PIWIL3: variants seen among roughly 807,000 people sequenced by gnomAD.
PIWIL3 encodes piwi-like protein 3.
In PIWIL3, 101 loss-of-function variants were observed where a neutral mutation model predicts 109.7. The ratio of observed to expected loss-of-function variants is 0.92; its 90% CI spans 0.78 to 1.09. The LOEUF (loss-of-function observed/expected upper bound fraction) is 1.09, where lower values mean the gene tolerates loss of function less well. Among genes scored for constraint, PIWIL3 ranks in the 50% least tolerant of loss-of-function variants. The pLI is 0.00. For synonymous variants in PIWIL3, 373 were observed against 376.4 expected (o/e 0.99, Z 0.10); for missense variants, 1,031 against 1,072.6 (o/e 0.96, Z 0.54).
At position 24,719,430 on chromosome 22, in the gene PIWIL3, C is replaced by T. The variant is rs1922528034; in HGVS notation, c.*42G>A. The T allele has an allele frequency of 2.9e-6, 4 of 1,394,134 alleles. No individual in the cohort carries two copies. In the East Asian group the frequency reaches 9.2e-5, roughly 32 times the overall value. 86.4% of individuals were successfully genotyped at this position (1,394,134 alleles called of 1,614,324 possible). The stretch of plus-strand genomic sequence containing the variant: ...CTGCTTCAAAAGGAAGACAGGCTTA[C>T]ACGTTGTGGTTTCATTAGCACATCA... On this transcript the variant is annotated 3_prime_UTR_variant, in exon 21 of 21. Transcript: ENST00000616349.
chr22:24,748,873 C>G, intron 12 of PIWIL3, 34 bp downstream of exon 12: 1 of 1,527,150 alleles, frequency 6.5e-7, no homozygotes, highest in South Asian at 1.2e-5. Context: ...TCATTTGACC[C>G]CACCATGACA....
At chr22:24,743,938 A>G (rs1472003084) in intron 12 of PIWIL3, among the ~76,000 whole-genome samples, 2 of 152,116 alleles carry the variant, frequency 1.3e-5, no homozygotes, top group African/African-American at 4.8e-5. Flanking sequence ...AGAAGGGGTT[A>G]TAAGACAGTA....
At chr22:24,728,527 G>C (rs1048983471) in intron 14 of PIWIL3, 153 bp from the exon 15 acceptor site, 2 of 660,540 alleles carry the variant, frequency 3.0e-6, no homozygotes, top group South Asian at 2.8e-5. Context: ...GAAGGGTCTA[G>C]AGCCATGTTA....
At chr22:24,751,123 C>CA (rs879487933) in intron 9 of PIWIL3, among the ~76,000 whole-genome samples, 305 of 130,406 alleles carry the variant, frequency 2.3e-3, no homozygotes, top group Non-Finnish European at 2.8e-3. Flanking sequence ...GACTCCAACT[C>CA]AAAAAAAAAA....
intron 14 of PIWIL3, among the ~76,000 whole-genome samples, chr22:24,729,832 G>A (rs548045604): frequency 6.6e-6 from 1 of 151,948 alleles, no homozygotes; most frequent in East Asian, 1.9e-4. Context: ...TTTTCTGAAG[G>A]TGACTTATTT....
intron 8 of PIWIL3, among the ~76,000 whole-genome samples, chr22:24,752,723 G>A (rs1054798140): frequency 2.0e-5 from 3 of 152,018 alleles, no homozygotes; most frequent in African/African-American, 4.8e-5. Context: ...AATGCATATC[G>A]TTAGCATTTT....
At position 24,756,612 on chromosome 22, in the gene PIWIL3, T is replaced by C. The variant is rs1925046252; in HGVS notation, c.449A>G (p.Lys150Arg). 1 of 1,613,966 alleles carries C rather than the reference T, an allele frequency of 6.2e-7. No homozygotes were observed. Among genetic ancestry groups the C allele is most frequent in the Non-Finnish European group, 8.5e-7 (1 of 1,179,946 alleles). ...WVAYKYNVDYKPDIEDGNLRT... is the reference protein window; with the variant it reads ...WVAYKYNVDYRPDIEDGNLRT... ...GAGATTTCCATCTTCTATGTCTGGT[T>C]TGTAGTCAACGTTGTATTTATATGC... The change falls in exon 5 of 21, where the codon AAA (lysine) becomes AGA (arginine). Residue 150 changes from lysine (K) to arginine (R), a missense_variant. By Grantham distance (26) the Lys-to-Arg change is conservative (BLOSUM62 2). Coordinates refer to ENST00000616349, the MANE Select transcript of PIWIL3 (RefSeq NM_001255975.1).
At chr22:24,766,137 A>C (rs1925773921) in intron 1 of PIWIL3, among the ~76,000 whole-genome samples, 1 of 151,300 alleles carries the variant, frequency 6.6e-6, no homozygotes, top group African/African-American at 2.4e-5. Flanking sequence ...AGGTGCTGCC[A>C]CTACTCCTGG....
intron 12 of PIWIL3, among the ~76,000 whole-genome samples, chr22:24,742,385 G>A (rs1311252057): frequency 1.3e-5 from 2 of 150,308 alleles, no homozygotes; most frequent in African/African-American, 2.5e-5. Flanking sequence ...CATAGAACTA[G>A]AAAAAAAAAT....
intron 1 of PIWIL3, among the ~76,000 whole-genome samples, chr22:24,767,382 T>A (rs531150258): frequency 0.016 from 2,307 of 147,900 alleles, 34 homozygotes; most frequent in African/African-American, 0.05. Context: ...CTAAAAAAAA[T>A]AAATAAATAA....
At chr22:24,744,927 A>T (rs1413221344) in intron 12 of PIWIL3, among the ~76,000 whole-genome samples, 1 of 152,224 alleles carries the variant, frequency 6.6e-6, no homozygotes, top group Non-Finnish European at 1.5e-5. Context: ...TAGCTGCACG[A>T]TGAACATTCT....
rs1440527258 is a variant in PIWIL3 at position 24,719,498 on chromosome 22, A to G, written c.2596T>C (p.Leu866=). The change falls in exon 21 of 21, where the codon TTG becomes CTG. Residue 866 remains leucine, a synonymous_variant. Coordinates refer to ENST00000616349, the MANE Select transcript of PIWIL3 (RefSeq NM_001255975.1). Reference sequence around the variant, plus strand: ...CAAAGGTAAAAGAGACGAGTTGACAAGGAACGATTCGGTTCCTGGTGAATG... The same window carrying G: ...CAAAGGTAAAAGAGACGAGTTGACAGGGAACGATTCGGTTCCTGGTGAATG... ...QSIHQEPNRS[L]STRLFYL The G allele has an allele frequency of 6.3e-7, 1 of 1,596,370 alleles. No homozygotes were observed. Among genetic ancestry groups the G allele is most frequent in the South Asian group, 1.1e-5 (1 of 87,400 alleles).
chr22:24,723,470 G>T (rs1474418108), intron 18 of PIWIL3, among the ~76,000 whole-genome samples: 1 of 152,108 alleles, frequency 6.6e-6, no homozygotes, highest in Non-Finnish European at 1.5e-5. Context: ...CCAGGGGAAG[G>T]GTCCCTTCCT....
intron 16 of PIWIL3, 35 bp from the exon 17 acceptor site, chr22:24,725,550 G>T (rs1395519463): frequency 6.2e-7 from 1 of 1,606,828 alleles, no homozygotes; most frequent in Non-Finnish European, 8.5e-7. Flanking sequence ...TGGAAAACAA[G>T]ATTCTTAAAA....
At chr22:24,768,447 T>A (rs7292391) in intron 1 of PIWIL3, among the ~76,000 whole-genome samples, 7,120 of 152,196 alleles carry the variant, frequency 0.047, 261 homozygotes, top group South Asian at 0.12. Context: ...AGGGACAGGG[T>A]TTCACCATCT....
At position 24,758,617 on chromosome 22, in the gene PIWIL3, C is replaced by T. The variant is rs1156370641; in HGVS notation, c.224-578G>A. ...AATACGCACACGTTATTGTAAATCC[C>T]GTACACCTAAATGGCCAAGACGTCT... On this transcript the variant is annotated intron_variant, in intron 3 of 20. Transcript: ENST00000616349. 1.3e-5 allele frequency among the ~76,000 whole-genome samples: 2 copies of T among 152,168 alleles called. 1 individual carries two copies. Among genetic ancestry groups the T allele is most frequent in the Non-Finnish European group, 2.9e-5 (2 of 68,040 alleles).
intron 18 of PIWIL3, 102 bp from the exon 19 acceptor site, chr22:24,723,357 G>A (rs1334909618): frequency 8.1e-7 from 1 of 1,236,134 alleles, no homozygotes; most frequent in East Asian, 2.5e-5. Flanking sequence ...CCATTAAGAA[G>A]AACAGACAGC....
At chr22:24,734,216 A>G (rs2147664727) in intron 13 of PIWIL3, 60 bp from the exon 14 acceptor site, 1 of 1,576,240 alleles carries the variant, frequency 6.3e-7, no homozygotes, top group Non-Finnish European at 8.6e-7. Context: ...CAAACGTTTC[A>G]CCCAGCAAAT....
intron 12 of PIWIL3, among the ~76,000 whole-genome samples, chr22:24,744,584 CAAAA>C (rs796282086): frequency 6.6e-6 from 1 of 150,796 alleles, no homozygotes; most frequent in Non-Finnish European, 1.5e-5. Context: ...AAAACAAAAA[CAAAA>C]AAAACAGGAA....
Sources: allele counts gnomAD v4.1 joint callset (sites outside exome capture counted in the v4.1 genomes callset), GRCh38; gene constraint gnomAD v4.1.1; transcripts MANE v1.5; gene names NCBI Gene and HGNC (gene_info 2026-07-23, HGNC 2026-07-21).